The following NFIX variants were observed in gnomAD, a reference collection of about 807,000 sequenced individuals.
NFIX encodes the protein nuclear factor 1 X-type.
Under a neutral mutation model 53.3 loss-of-function variants are expected in NFIX, and 2 were observed. The observed-to-expected ratio is 0.04, with a 90% confidence interval of 0.02 to 0.12. The LOEUF (loss-of-function observed/expected upper bound fraction) is 0.12. Among genes scored for constraint, NFIX ranks in the 10% least tolerant of loss-of-function variants. NFIX has a pLI of 1.00. For synonymous variants in NFIX, 244 were observed against 289.0 expected, an observed-to-expected ratio of 0.84 and a Z score of 1.58; for missense variants, 310 against 674.5, an observed-to-expected ratio of 0.46 and a Z score of 5.99.
At chr19:13,019,648 C>T (rs2012854707) in intron 1 of NFIX, among the ~76,000 whole-genome samples, 1 of 151,186 alleles carries the variant, frequency 6.6e-6, no homozygotes, top group East Asian at 1.9e-4. Flanking sequence ...TACATTTCTC[C>T]TAGTGATGGC....
chr19:13,025,689 A>G lies in NFIX; in HGVS notation c.559+137A>G, dbSNP rs2013283212. ...GTATGCCCGTCCTGCGGGGCCTGCA[A>G]CACGGTTCTATGGGCCCTTTTCCTT... is the stretch of plus-strand genomic sequence containing the variant. On this transcript the variant is annotated intron_variant, in intron 2 of 10. Coordinates refer to ENST00000592199, the MANE Select transcript of NFIX (RefSeq NM_001365902.3). The surrounding 1 kb of genome is among the most constrained non-coding windows in gnomAD (Gnocchi z 7.5). The G allele has an allele frequency of 3.1e-6, 3 of 973,968 alleles. No homozygotes were observed. Among genetic ancestry groups the G allele is most frequent in the Non-Finnish European group, 4.5e-6 (3 of 671,506 alleles). 60.3% of individuals were successfully genotyped at this position (973,968 alleles called of 1,614,324 possible).
chr19:13,023,715 G>T (rs1461786095), intron 1 of NFIX, among the ~76,000 whole-genome samples: 1 of 147,546 alleles, frequency 6.8e-6, no homozygotes, highest in African/African-American at 2.5e-5. Flanking sequence ...TACCTGGCGT[G>T]TGTGGCAGCC....
chr19:13,056,121 C>T (rs548751247), intron 2 of NFIX, among the ~76,000 whole-genome samples: 2 of 152,202 alleles, frequency 1.3e-5, no homozygotes, highest in Non-Finnish European at 2.9e-5. Flanking sequence ...GCTGAAATTG[C>T]ATCCAGCCCC....
intron 2 of NFIX, among the ~76,000 whole-genome samples, chr19:13,061,282 C>T (rs983011507): frequency 1.8e-4 from 27 of 152,228 alleles, no homozygotes; most frequent in African/African-American, 6.5e-4. Flanking sequence ...CAAGCTGTTC[C>T]TAATCAATGC....
Position 13,087,572 on chromosome 19 carries a change from T to C in NFIX, c.1255-417T>C, listed in dbSNP as rs1226637290. Among the ~76,000 whole-genome samples the C allele has an allele frequency of 2.0e-5, 3 of 151,994 alleles. No individual in the cohort carries two copies. In the East Asian group the frequency reaches 5.8e-4, roughly 29 times the overall value. On this transcript the variant is annotated intron_variant, in intron 8 of 10. Coordinates refer to ENST00000592199, the MANE Select transcript of NFIX (RefSeq NM_001365902.3). ...CAGCCCTCAGAGGGAGGCAGGCATG[T>C]GCTTTGGGGAGCCGGGGGAGCAGGG...
At chr19:13,059,689 T>C (rs995311998) in intron 2 of NFIX, among the ~76,000 whole-genome samples, 8 of 150,892 alleles carry the variant, frequency 5.3e-5, no homozygotes, top group African/African-American at 2.0e-4. Context: ...GCCATAATGA[T>C]TGGGGGAGTG....
chr19:13,082,625 G>A (rs971665054), intron 8 of NFIX: 7 of 152,292 alleles, frequency 4.6e-5, no homozygotes, highest in African/African-American at 1.2e-4. Flanking sequence ...AGAAACTCAG[G>A]GTTGCTCAGC....
At position 13,067,759 on chromosome 19, in the gene NFIX, G is replaced by A. The variant is rs2145406794; in HGVS notation, c.560-5288G>A. Among the ~76,000 whole-genome samples the A allele has an allele frequency of 6.6e-6, 1 of 152,158 alleles. No homozygotes were observed. Among genetic ancestry groups the A allele is most frequent in the South Asian group, 2.1e-4 (1 of 4,816 alleles). On this transcript the variant is annotated intron_variant, in intron 2 of 10. Transcript: ENST00000592199. This position sits in a 1 kb window ranked among gnomAD's most constrained non-coding sequence, Gnocchi z 4.2. ...CAGCAGGAATTCCTCCCTCACCCTA[G>A]TGGGAGCCATAACTACCTCCCCATC...
At chr19:13,064,391 C>T (rs2016275383) in intron 2 of NFIX, among the ~76,000 whole-genome samples, 1 of 152,226 alleles carries the variant, frequency 6.6e-6, no homozygotes, top group Admixed American at 6.5e-5. Flanking sequence ...CTGGGCAGGC[C>T]TTGGGCCTAG....
In NFIX at chr19:13,067,463, CGTGTGTGTGT is replaced by C. The variant is rs753000472; in HGVS notation, c.560-5574_560-5565del. Among the ~76,000 whole-genome samples the C allele has an allele frequency of 2.3e-5, 3 of 131,002 alleles. No individual in the cohort carries two copies. The highest frequency in any genetic ancestry group is 4.9e-5 in the Non-Finnish European group (3 of 60,790). The allele number at this position is 131,002 out of a possible 152,430, so 85.9% of individuals were successfully genotyped here. On this transcript the variant is annotated intron_variant, in intron 2 of 10. Coordinates refer to ENST00000592199, the MANE Select transcript of NFIX (RefSeq NM_001365902.3). This position sits in a 1 kb window ranked among gnomAD's most constrained non-coding sequence, Gnocchi z 4.2. ...AGTGGCACCTCCGTGTGTGTGCGCG[CGTGTGTGTGT>C]GTGTGTGTGCGTGTGTGTGTGTGTG...
chr19:13,040,778 A>C lies in NFIX; in HGVS notation c.559+15226A>C, dbSNP rs905751796. 6.6e-6 allele frequency among the ~76,000 whole-genome samples: 1 copy of C among 152,202 alleles called. No individual in the cohort carries two copies. The highest frequency in any genetic ancestry group is 1.5e-5 in the Non-Finnish European group (1 of 68,040). ...GTCTTTCACACACTCGCGCACACACACAGCCACTTCTCGAAGCAGATCTTA... is the reference window on the plus strand; with the variant it reads ...GTCTTTCACACACTCGCGCACACACCCAGCCACTTCTCGAAGCAGATCTTA... On this transcript the variant is annotated intron_variant, in intron 2 of 10. Coordinates refer to ENST00000592199, the MANE Select transcript of NFIX (RefSeq NM_001365902.3). The surrounding 1 kb of genome is among the most constrained non-coding windows in gnomAD (Gnocchi z 4.2).
In NFIX at chr19:13,078,455, C is replaced by T. The variant is rs1046188171; in HGVS notation, c.956-158C>T. On this transcript the variant is annotated intron_variant, in intron 6 of 10. Coordinates refer to ENST00000592199, the MANE Select transcript of NFIX (RefSeq NM_001365902.3). The surrounding 1 kb of genome is among the most constrained non-coding windows in gnomAD (Gnocchi z 4.7). Reference sequence around the variant, plus strand: ...CCTCGGAACCAGGCCTAGAACAAGGCCTGGGACTGGGCAAGGAGCAGCAGG... The same window carrying T: ...CCTCGGAACCAGGCCTAGAACAAGGTCTGGGACTGGGCAAGGAGCAGCAGG... Among the ~76,000 whole-genome samples, 1 of 152,186 alleles carries T rather than the reference C, an allele frequency of 6.6e-6. No individual in the cohort carries two copies. The highest frequency in any genetic ancestry group is 1.5e-5 in the Non-Finnish European group (1 of 68,034).
At position 13,095,825 on chromosome 19, in the gene NFIX, T is replaced by A. The variant is rs886378617; in HGVS notation, c.*1176T>A. 1 of 149,234 alleles carries A rather than the reference T, an allele frequency of 6.7e-6. No homozygotes were observed. Among genetic ancestry groups the A allele is most frequent in the Non-Finnish European group, 1.5e-5 (1 of 67,116 alleles). 9.2% of individuals were successfully genotyped at this position (149,234 alleles called of 1,614,324 possible). ...TGGAGCTTTCTGTGCCCCCCGACTT[T>A]CCCCCGCCTCCCCGCCCCCCACGTG... On this transcript the variant is annotated 3_prime_UTR_variant, in exon 11 of 11. Transcript: ENST00000592199.
At chr19:13,077,739 C>T (rs1368361351) in intron 6 of NFIX, among the ~76,000 whole-genome samples, 1 of 152,250 alleles carries the variant, frequency 6.6e-6, no homozygotes, top group African/African-American at 2.4e-5. Flanking sequence ...AACCTTAAAG[C>T]TCAGCCCAAG....
chr19:13,037,343 A>C lies in NFIX; in HGVS notation c.559+11791A>C, dbSNP rs1371145688. 6.6e-6 allele frequency among the ~76,000 whole-genome samples: 1 copy of C among 152,182 alleles called. No individual in the cohort carries two copies. The highest frequency in any genetic ancestry group is 1.9e-4 in the East Asian group (1 of 5,200). On this transcript the variant is annotated intron_variant, in intron 2 of 10. Coordinates refer to ENST00000592199, the MANE Select transcript of NFIX (RefSeq NM_001365902.3). The surrounding 1 kb of genome is among the most constrained non-coding windows in gnomAD (Gnocchi z 4.2). ...CCAGGGCATGACCACTTCCCCTACCAGACGTAGTAGGCCAGTTTCAGCCTT... is the reference window on the plus strand; with the variant it reads ...CCAGGGCATGACCACTTCCCCTACCCGACGTAGTAGGCCAGTTTCAGCCTT...
chr19:13,022,708 G>A lies in NFIX; in HGVS notation c.28-2313G>A, dbSNP rs1343654123. 2.0e-5 allele frequency among the ~76,000 whole-genome samples: 3 copies of A among 152,096 alleles called. No homozygotes were observed. The highest frequency in any genetic ancestry group is 4.4e-5 in the Non-Finnish European group (3 of 68,010). On this transcript the variant is annotated intron_variant, in intron 1 of 10. Coordinates refer to ENST00000592199, the MANE Select transcript of NFIX (RefSeq NM_001365902.3). This position sits in a 1 kb window ranked among gnomAD's most constrained non-coding sequence, Gnocchi z 4.5. ...CGCAGCTGCTTCCCCAAGGCCTTCT[G>A]GGGCTCCCGCCCGCCAGCCCGCCGG... is the stretch of plus-strand genomic sequence containing the variant.
intron 1 of NFIX, chr19:13,023,868 C>T (rs1236231083): frequency 1.6e-6 from 1 of 629,504 alleles, no homozygotes. Flanking sequence ...CACCCAAGCC[C>T]GGCCCCTATT....
chr19:13,060,632 G>T lies in NFIX; in HGVS notation c.560-12415G>T, dbSNP rs938764163. Among the ~76,000 whole-genome samples, 2 of 152,218 alleles carry T rather than the reference G, an allele frequency of 1.3e-5. No homozygotes were observed. Among genetic ancestry groups the T allele is most frequent in the Non-Finnish European group, 2.9e-5 (2 of 68,036 alleles). On this transcript the variant is annotated intron_variant, in intron 2 of 10. Coordinates refer to ENST00000592199, the MANE Select transcript of NFIX (RefSeq NM_001365902.3). This position sits in a 1 kb window ranked among gnomAD's most constrained non-coding sequence, Gnocchi z 4.3. The stretch of plus-strand genomic sequence containing the variant: ...CCTTGGTGCCTGGCAAGGCGGGGGG[G>T]TAGGGAGCAGCCCTCGCACAGCCAG...
intron 1 of NFIX, among the ~76,000 whole-genome samples, chr19:13,017,912 G>A (rs574374697): frequency 6.6e-6 from 1 of 152,328 alleles, no homozygotes; most frequent in Admixed American, 6.5e-5. Flanking sequence ...CCGGTTAGGT[G>A]TGTGAGGCTC....
Sources: gnomAD v4.1 joint callset for allele counts (sites outside exome capture counted in the v4.1 genomes callset) on GRCh38, gnomAD v4.1.1 for gene constraint, Gnocchi (gnomAD v3.1) non-coding constraint, MANE v1.5 for transcripts, NCBI Gene and HGNC (gene_info 2026-07-23, HGNC 2026-07-21) for gene names.